ODF2L: variants seen among roughly 807,000 people sequenced by gnomAD.
ODF2L encodes the protein outer dense fiber of sperm tails 2 like.
A neutral mutation model predicts 86.3 loss-of-function variants in ODF2L; 76 were observed. The ratio of observed to expected loss-of-function variants is 0.88; its 90% CI spans 0.73 to 1.07. The LOEUF is 1.07. Among genes scored for constraint, ODF2L ranks in the 50% least tolerant of loss-of-function variants. The probability of loss-of-function intolerance (pLI) is 0.00; values close to 1 mark genes in which losing one functional copy is unlikely to be tolerated. For synonymous variants in ODF2L, 241 were observed against 231.3 expected, an observed-to-expected ratio of 1.04 and a Z score of -0.38; for missense variants, 748 against 717.4, an observed-to-expected ratio of 1.04 and a Z score of -0.49.
At chr1:86,388,352 C>T (rs1570437363) in intron 1 of ODF2L, among the ~76,000 whole-genome samples, 1 of 152,092 alleles carries the variant, frequency 6.6e-6, no homozygotes, top group East Asian at 1.9e-4. Context: ...CTAATTCATT[C>T]AGTTGCAATA....
At chr1:86,384,206 G>A (rs978366757) in intron 4 of ODF2L, among the ~76,000 whole-genome samples, 6 of 151,744 alleles carry the variant, frequency 4.0e-5, no homozygotes, top group Non-Finnish European at 8.9e-5. Flanking sequence ...GTGATTTAAA[G>A]GGATAAGCTT....
At chr1:86,395,166 T>G (rs546233888) in intron 1 of ODF2L, among the ~76,000 whole-genome samples, 1 of 152,186 alleles carries the variant, frequency 6.6e-6, no homozygotes, top group Non-Finnish European at 1.5e-5. Flanking sequence ...TAACCTTAAC[T>G]CAGTTGCACT....
intron 2 of ODF2L, chr1:86,386,283 C>T (rs1417425559): frequency 6.6e-6 from 1 of 152,124 alleles, no homozygotes; most frequent in African/African-American, 2.4e-5. Flanking sequence ...ATTTCACATT[C>T]ATTAACTACA....
At chr1:86,376,579 T>G (rs1443068398) in intron 7 of ODF2L, among the ~76,000 whole-genome samples, 161 bp from the exon 8 acceptor site, 1 of 152,164 alleles carries the variant, frequency 6.6e-6, no homozygotes, top group Non-Finnish European at 1.5e-5. Flanking sequence ...GGAAAGAAGT[T>G]TAATTGACTC....
chr1:86,357,481 T>C (rs1310818070), intron 13 of ODF2L, among the ~76,000 whole-genome samples: 1 of 151,268 alleles, frequency 6.6e-6, no homozygotes, highest in Non-Finnish European at 1.5e-5. Flanking sequence ...TTAAAAAAAA[T>C]TTCATTAATT....
At position 86,373,298 on chromosome 1, in the gene ODF2L, C is replaced by CT. The variant is rs568005356; in HGVS notation, c.811-759dup. Reference sequence around the variant, plus strand: ...TCTTTTTACTGAACTTTCCATTTTACTTTTTTTTTTTTTTGCCCTGGCTGA... The same window carrying CT: ...TCTTTTTACTGAACTTTCCATTTTACTTTTTTTTTTTTTTTGCCCTGGCTGA... On this transcript the variant is annotated intron_variant, in intron 8 of 17. Transcript: ENST00000317336. Among the ~76,000 whole-genome samples, 837 of 140,176 alleles carry CT rather than the reference C, an allele frequency of 6.0e-3. 3 individuals carry two copies. Among genetic ancestry groups the CT allele is most frequent in the Admixed American group, 9.7e-3 (135 of 13,890 alleles). 92.0% of individuals were successfully genotyped at this position (140,176 alleles called of 152,430 possible).
At chr1:86,384,937 A>T (rs1168970701) in intron 3 of ODF2L, 136 bp from the exon 4 acceptor site, 8 of 531,990 alleles carry the variant, frequency 1.5e-5, no homozygotes, top group Non-Finnish European at 2.3e-5. Flanking sequence ...AAATGCTACG[A>T]AATTTGTCAA....
rs141871610 is a variant in ODF2L, at chr1:86,388,569, C to CTGTT, written c.-59-1484_-59-1483insAACA. Among the ~76,000 whole-genome samples the CTGTT allele has an allele frequency of 0.011, 1,689 of 151,976 alleles. 64 individuals are homozygous for CTGTT. The East Asian group carries it at 0.12, about 10-fold the overall frequency. ...TTTTAAAGAATATAATGACTAAAGA[C>CTGTT]TGCCTTTTTTTTTAAATTCACCCCT... On this transcript the variant is annotated intron_variant, in intron 1 of 17. Transcript: ENST00000317336.
chr1:86,359,007 C>T, intron 12 of ODF2L, 116 bp from the exon 12 acceptor site: 1 of 540,246 alleles, frequency 1.9e-6, no homozygotes, highest in African/African-American at 2.0e-5. Flanking sequence ...ATATCCTTGA[C>T]TGGTTCATCT....
rs746493476 is a variant in ODF2L at position 86,354,777 on chromosome 1, T to C, written c.1601A>G (p.Gln534Arg). ...TGTTAAGTAATTTAATACTTACTGT[T>C]GAAGGTTTTCACACTTCAGCTGAAT... Residue 534 changes from glutamine to arginine, a missense_variant, in exon 15 of 18, where the codon CAA (glutamine) becomes CGA (arginine). Transcript: ENST00000317336. 4.4e-6 allele frequency: 7 copies of C among 1,587,198 alleles called. No individual in the cohort carries two copies. In the African/African-American group the frequency reaches 6.7e-5, roughly 15 times the overall value.
chr1:86,381,709 A>C (rs1214902849), intron 7 of ODF2L, among the ~76,000 whole-genome samples: 1 of 152,106 alleles, frequency 6.6e-6, no homozygotes, highest in East Asian at 1.9e-4. Flanking sequence ...TTAAACCAAA[A>C]AATTCCCCTT....
At position 86,352,225 on chromosome 1, in the gene ODF2L, A is replaced by G. The variant is rs752121844; in HGVS notation, c.1894-17T>C. On this transcript the variant is annotated splice_polypyrimidine_tract_variant and intron_variant, in intron 17 of 17. Coordinates refer to ENST00000317336, the Ensembl canonical transcript of ODF2L. ...CTCTGGATCCTGGAAAAAACACAGT[A>G]TCATTATTCTCTATGTCATTATCTA... The G allele has an allele frequency of 3.4e-6, 5 of 1,491,518 alleles. No homozygotes were observed. In the South Asian group the frequency reaches 6.6e-5, roughly 20 times the overall value. The allele number at this position is 1,491,518 out of a possible 1,614,324, so 92.4% of individuals were successfully genotyped here.
chr1:86,384,892 C>T (rs1333131606), intron 3 of ODF2L, 91 bp from the exon 4 acceptor site: 1 of 1,032,468 alleles, frequency 9.7e-7, no homozygotes, highest in African/African-American at 1.7e-5. Context: ...TTTTTTCCTA[C>T]TAAACAAAAT....
chr1:86,386,815 T>C lies in ODF2L; in HGVS notation c.113+100A>G. 2 of 599,708 alleles carry C rather than the reference T, an allele frequency of 3.3e-6. 1 individual carries two copies. The highest frequency in any genetic ancestry group is 5.8e-6 in the Non-Finnish European group (2 of 343,784). 37.1% of individuals were successfully genotyped at this position (599,708 alleles called of 1,614,324 possible). The stretch of plus-strand genomic sequence containing the variant: ...ATACTAGATTTGGAAAAGATACTCT[T>C]AAAAGAATGCTGTATTTGATTCAAA... On this transcript the variant is annotated intron_variant, in intron 2 of 17. Transcript: ENST00000317336.
In ODF2L at chr1:86,371,042, CAG is replaced by C. The variant is rs759067711; in HGVS notation, c.1030_1031del (p.Leu344GlufsTer3). On this transcript the variant is annotated frameshift_variant, in exon 10 of 18. Coordinates refer to ENST00000317336, the Ensembl canonical transcript of ODF2L. LOFTEE classifies it high-confidence loss of function. ...CCTTTAATTTTGTATTCTCAAGATT[CAG>C]AGTTTCATTTTCATATTCAATTGAG... is the stretch of plus-strand genomic sequence containing the variant. The C allele has an allele frequency of 4.3e-5, 68 of 1,573,994 alleles. No homozygotes were observed. The highest frequency in any genetic ancestry group is 5.3e-5 in the Non-Finnish European group (62 of 1,161,662).
chr1:86,357,711 G>A, intron 13 of ODF2L: 3 of 967,902 alleles, frequency 3.1e-6, no homozygotes, highest in Non-Finnish European at 3.7e-6. Context: ...GAGAAAACCA[G>A]GAGACTTAAA....
chr1:86,393,027 C>T (rs1661438180), intron 1 of ODF2L, among the ~76,000 whole-genome samples: 1 of 152,060 alleles, frequency 6.6e-6, no homozygotes, highest in African/African-American at 2.4e-5. Context: ...CAACAGCAAG[C>T]ATTTGGGGAT....
intron 1 of ODF2L, among the ~76,000 whole-genome samples, chr1:86,393,667 GCC>G (rs566552808): frequency 1.8e-3 from 276 of 152,254 alleles, no homozygotes; most frequent in Non-Finnish European, 3.5e-3. Context: ...TCAAAGTGTT[GCC>G]CTGATTTCTC....
At chr1:86,358,843 T>C (rs781562693) in exon 13 of ODF2L, 1 of 1,554,056 alleles carries the variant, frequency 6.4e-7, no homozygotes, top group South Asian at 1.3e-5. Flanking sequence ...TGTAGCAAAT[T>C]TTCACATCTG....
Sources: allele counts gnomAD v4.1 joint callset (sites outside exome capture counted in the v4.1 genomes callset), GRCh38; gene constraint gnomAD v4.1.1; transcripts MANE v1.5; gene names NCBI Gene and HGNC (gene_info 2026-07-23, HGNC 2026-07-21).